Variants in ARHGAP15 observed in about 807,000 individuals in gnomAD.
ARHGAP15 encodes the protein rho GTPase-activating protein 15.
In ARHGAP15, 51 loss-of-function variants were observed where a neutral mutation model predicts 63.7. The observed-to-expected ratio is 0.80, with a 90% CI of 0.64 to 1.01. The LOEUF is 1.01. Among genes scored for constraint, ARHGAP15 ranks in the 50% least tolerant of loss-of-function variants. The pLI is 0.00. For synonymous variants in ARHGAP15, 191 were observed against 193.8 expected, an observed-to-expected ratio of 0.99 and a Z score of 0.12; for missense variants, 560 against 564.6, an observed-to-expected ratio of 0.99 and a Z score of 0.08.
At chr2:143,742,755 C>A (rs1215480982) in intron 13 of ARHGAP15, among the ~76,000 whole-genome samples, 5 of 152,192 alleles carry the variant, frequency 3.3e-5, no homozygotes, top group Non-Finnish European at 7.3e-5. Context: ...CAGAAAAGAA[C>A]CTGGCCCGGA....
intron 6 of ARHGAP15, among the ~76,000 whole-genome samples, chr2:143,390,396 C>G (rs1222874156): frequency 2.6e-5 from 4 of 152,144 alleles, no homozygotes; most frequent in African/African-American, 9.7e-5. Context: ...CTCATCTGTC[C>G]CTCCACATTA....
rs543204809 is a variant in ARHGAP15 at position 143,333,203 on chromosome 2, A to T, written c.474+82603A>T. ...CAAATGTGATTAGCAGTTGCTCTTCATGAGAAATTTTCTCCACCTCTAATA... is the reference window on the plus strand; with the variant it reads ...CAAATGTGATTAGCAGTTGCTCTTCTTGAGAAATTTTCTCCACCTCTAATA... On this transcript the variant is annotated intron_variant, in intron 6 of 13. Transcript: ENST00000295095. Among the ~76,000 whole-genome samples, 10 of 152,328 alleles carry T rather than the reference A, an allele frequency of 6.6e-5. No individual in the cohort carries two copies. The South Asian group carries it at 1.9e-3, about 28-fold the overall frequency.
At chr2:143,152,609 T>G in intron 1 of ARHGAP15, among the ~76,000 whole-genome samples, 1 of 152,044 alleles carries the variant, frequency 6.6e-6, no homozygotes. Context: ...GGTATATGTA[T>G]GTTTTCTGTT....
intron 6 of ARHGAP15, among the ~76,000 whole-genome samples, chr2:143,410,115 C>G (rs938129266): frequency 1.3e-5 from 2 of 151,900 alleles, no homozygotes; most frequent in Non-Finnish European, 2.9e-5. Context: ...TTGAAGGGTA[C>G]TATATAAATA....
chr2:143,538,470 G>A (rs1199279704), intron 10 of ARHGAP15, among the ~76,000 whole-genome samples: 2 of 152,160 alleles, frequency 1.3e-5, no homozygotes, highest in East Asian at 3.8e-4. Context: ...TTTTCAAAGG[G>A]AATGCTTCCA....
intron 4 of ARHGAP15, among the ~76,000 whole-genome samples, chr2:143,225,586 A>T (rs1693179222): frequency 6.6e-6 from 1 of 152,138 alleles, no homozygotes; most frequent in Non-Finnish European, 1.5e-5. Context: ...AGCCTGGGCG[A>T]CAGAGCGAGA....
chr2:143,264,855 G>A (rs1680912164), intron 6 of ARHGAP15, among the ~76,000 whole-genome samples: 2 of 152,136 alleles, frequency 1.3e-5, no homozygotes, highest in African/African-American at 4.8e-5. Context: ...ACAGTTCTTG[G>A]TGTCAGCTTC....
intron 13 of ARHGAP15, among the ~76,000 whole-genome samples, chr2:143,726,148 G>C (rs1248178391): frequency 6.6e-6 from 1 of 152,202 alleles, no homozygotes; most frequent in Non-Finnish European, 1.5e-5. Context: ...TTAGCACTGT[G>C]ACAGGGTATT....
intron 6 of ARHGAP15, among the ~76,000 whole-genome samples, chr2:143,317,492 AGAC>A (rs912240685): frequency 5.3e-5 from 8 of 152,228 alleles, no homozygotes; most frequent in African/African-American, 1.7e-4. Flanking sequence ...AGAAGAAAGA[AGAC>A]TTGTTTTGAG....
chr2:143,172,949 G>A (rs535905897), intron 2 of ARHGAP15, among the ~76,000 whole-genome samples: 4 of 152,086 alleles, frequency 2.6e-5, no homozygotes, highest in East Asian at 3.9e-4. Context: ...AAGAGGGCTC[G>A]AACCTTTAAG....
At chr2:143,130,621 T>A (rs1688882101) in intron 1 of ARHGAP15, among the ~76,000 whole-genome samples, 1 of 152,128 alleles carries the variant, frequency 6.6e-6, no homozygotes, top group Admixed American at 6.5e-5. Flanking sequence ...TAGGAAATTA[T>A]TAGGCATAGT....
In ARHGAP15 at chr2:143,389,280, C is replaced by T. The variant is rs947614023; in HGVS notation, c.475-46321C>T. Among the ~76,000 whole-genome samples the T allele has an allele frequency of 6.6e-5, 10 of 151,916 alleles. No individual in the cohort carries two copies. In the South Asian group the frequency reaches 8.3e-4, roughly 13 times the overall value. On this transcript the variant is annotated intron_variant, in intron 6 of 13. Transcript: ENST00000295095. Reference sequence around the variant, plus strand: ...GAAAATGTGATTATGAGGTGTGTGGCGTTATATCCATCTCTGTAATACTTG... The same window carrying T: ...GAAAATGTGATTATGAGGTGTGTGGTGTTATATCCATCTCTGTAATACTTG...
intron 6 of ARHGAP15, among the ~76,000 whole-genome samples, chr2:143,345,890 C>T (rs761580665): frequency 1.3e-5 from 2 of 151,890 alleles, no homozygotes; most frequent in South Asian, 2.1e-4. Context: ...TCTCAGTGAA[C>T]GGAGATCTCT....
chr2:143,718,354 G>A (rs1436475149), intron 13 of ARHGAP15, among the ~76,000 whole-genome samples: 1 of 152,154 alleles, frequency 6.6e-6, no homozygotes. Context: ...GGCTGTCTTG[G>A]TCAGGCCATT....
chr2:143,254,979 A>G (rs982179518), intron 6 of ARHGAP15, among the ~76,000 whole-genome samples: 1 of 152,104 alleles, frequency 6.6e-6, no homozygotes, highest in Admixed American at 6.6e-5. Flanking sequence ...GGTCTTTTTC[A>G]TTACAGGTTA....
At chr2:143,155,891 T>C (rs1574022139) in intron 2 of ARHGAP15, among the ~76,000 whole-genome samples, 1 of 151,962 alleles carries the variant, frequency 6.6e-6, no homozygotes, top group East Asian at 1.9e-4. Flanking sequence ...GAAGAGCACC[T>C]TTGACTCATT....
chr2:143,618,258 TATA>T (rs541403598), intron 11 of ARHGAP15, among the ~76,000 whole-genome samples: 79 of 152,340 alleles, frequency 5.2e-4, no homozygotes, highest in African/African-American at 1.9e-3. Context: ...TCTATATCCT[TATA>T]AACAGTGTCA....
chr2:143,713,428 T>A (rs1349070015), intron 13 of ARHGAP15, among the ~76,000 whole-genome samples: 1 of 152,130 alleles, frequency 6.6e-6, no homozygotes, highest in Non-Finnish European at 1.5e-5. Flanking sequence ...CAATTAAAGT[T>A]GAGTTTTGGG....
chr2:143,209,565 A>AAAAAC (rs922037304), intron 3 of ARHGAP15, among the ~76,000 whole-genome samples: 12 of 152,212 alleles, frequency 7.9e-5, no homozygotes, highest in African/African-American at 2.9e-4. Flanking sequence ...GATAAAAAAA[A>AAAAAC]AACAAGTTTC....
Sources: gnomAD v4.1 joint callset for allele counts (sites outside exome capture counted in the v4.1 genomes callset) on GRCh38, gnomAD v4.1.1 for gene constraint, MANE v1.5 for transcripts, NCBI Gene and HGNC (gene_info 2026-07-23, HGNC 2026-07-21) for gene names.